The following ANO6 variants were observed in gnomAD, a reference collection of about 807,000 sequenced individuals.
ANO6 encodes anoctamin 6.
ANO6 carries 106 observed loss-of-function variants against 117.5 expected under a neutral mutation model. That is an observed-to-expected ratio of 0.90 (90% confidence interval 0.77 to 1.06). The LOEUF (loss-of-function observed/expected upper bound fraction) is 1.06. ANO6 is among the 50% of genes least tolerant of loss of function. ANO6 has a pLI of 0.00. For synonymous variants in ANO6, 367 were observed against 385.1 expected, an observed-to-expected ratio of 0.95 and a Z score of 0.55; for missense variants, 955 against 1,121.1, an observed-to-expected ratio of 0.85 and a Z score of 2.12.
chr12:45,241,910 A>G (rs1477114446), intron 1 of ANO6, among the ~76,000 whole-genome samples: 1 of 152,210 alleles, frequency 6.6e-6, no homozygotes, highest in Non-Finnish European at 1.5e-5. Context: ...GCAGAACAGC[A>G]AATGTTGCTG....
chr12:45,357,722 T>A (rs1348243014), intron 8 of ANO6, among the ~76,000 whole-genome samples: 1 of 152,214 alleles, frequency 6.6e-6, no homozygotes, highest in Admixed American at 6.5e-5. Flanking sequence ...GCCCTTGAAC[T>A]TTTGGCCCCT....
intron 12 of ANO6, among the ~76,000 whole-genome samples, chr12:45,393,080 A>G (rs1394493848): frequency 6.6e-6 from 1 of 152,230 alleles, no homozygotes; most frequent in Admixed American, 6.5e-5. Context: ...ACCCATCGCA[A>G]GGAAGCTAAA....
At chr12:45,276,499 A>T (rs757003340) in intron 1 of ANO6, among the ~76,000 whole-genome samples, 1 of 150,598 alleles carries the variant, frequency 6.6e-6, no homozygotes, top group Non-Finnish European at 1.5e-5. Context: ...TTTTCCTTGC[A>T]TGCTCTTTTT....
chr12:45,378,467 G>A (rs576258236), intron 10 of ANO6, among the ~76,000 whole-genome samples: 1 of 152,218 alleles, frequency 6.6e-6, no homozygotes, highest in Non-Finnish European at 1.5e-5. Context: ...GGTCTGTGGG[G>A]CTCGGCTGGG....
chr12:45,246,451 G>A (rs893883755), intron 1 of ANO6, among the ~76,000 whole-genome samples: 2 of 152,160 alleles, frequency 1.3e-5, no homozygotes, highest in Admixed American at 1.3e-4. Flanking sequence ...TGCTAACTGC[G>A]AGGAAAGAGC....
chr12:45,363,992 A>G (rs1263531955), intron 8 of ANO6, among the ~76,000 whole-genome samples: 3 of 152,232 alleles, frequency 2.0e-5, no homozygotes, highest in South Asian at 2.1e-4. Context: ...GGTCTCTGCC[A>G]ACAACAGATT....
chr12:45,246,656 G>A (rs1269909052), intron 1 of ANO6, among the ~76,000 whole-genome samples: 1 of 151,766 alleles, frequency 6.6e-6, no homozygotes, highest in Admixed American at 6.6e-5. Context: ...CCCTGAAAAT[G>A]TTTACAAGTA....
chr12:45,301,923 A>T, intron 1 of ANO6, 91 bp from the exon 2 acceptor site: 1 of 1,058,028 alleles, frequency 9.5e-7, no homozygotes, highest in Non-Finnish European at 1.5e-6. Flanking sequence ...TACCAATGTT[A>T]ATAACCCGGT....
chr12:45,316,028 C>T (rs1382571357), intron 2 of ANO6, among the ~76,000 whole-genome samples: 1 of 151,928 alleles, frequency 6.6e-6, no homozygotes, highest in African/African-American at 2.4e-5. Flanking sequence ...CTAAATAATT[C>T]CTTTAAAAAT....
intron 1 of ANO6, among the ~76,000 whole-genome samples, chr12:45,242,289 C>A (rs888373998): frequency 6.6e-6 from 1 of 152,238 alleles, no homozygotes; most frequent in African/African-American, 2.4e-5. Context: ...ATGGCAGACA[C>A]CCCTTCCCCT....
chr12:45,349,749 A>G (rs1941233621), intron 6 of ANO6, among the ~76,000 whole-genome samples: 1 of 152,212 alleles, frequency 6.6e-6, no homozygotes, highest in Non-Finnish European at 1.5e-5. Flanking sequence ...TACTGATCCT[A>G]AGAGACCCAA....
intron 9 of ANO6, among the ~76,000 whole-genome samples, chr12:45,372,946 T>G (rs1189832624): frequency 6.6e-6 from 1 of 152,158 alleles, no homozygotes; most frequent in Non-Finnish European, 1.5e-5. Flanking sequence ...GACCCATCAG[T>G]GTGCTGTATT....
chr12:45,256,278 TCAAACACTGCCACA>T (rs566571488), intron 1 of ANO6, among the ~76,000 whole-genome samples: 80 of 152,318 alleles, frequency 5.3e-4, no homozygotes, highest in African/African-American at 1.7e-3. Flanking sequence ...CCTGGCCTCA[TCAAACACTGCCACA>T]GTAATCATTT....
At chr12:45,317,286 A>G in intron 2 of ANO6, among the ~76,000 whole-genome samples, 2 of 43,604 alleles carry the variant, frequency 4.6e-5, no homozygotes, top group Non-Finnish European at 8.8e-5. Flanking sequence ...CCCACCCCAC[A>G]ACAGGCCCCC....
chr12:45,330,142 G>C (rs1220012896), intron 2 of ANO6, among the ~76,000 whole-genome samples: 1 of 152,078 alleles, frequency 6.6e-6, no homozygotes, highest in Non-Finnish European at 1.5e-5. Context: ...CATTCTGCTG[G>C]TGAAAAAACC....
intron 1 of ANO6, among the ~76,000 whole-genome samples, chr12:45,299,449 A>G (rs749675987): frequency 6.6e-6 from 1 of 152,228 alleles, no homozygotes; most frequent in Non-Finnish European, 1.5e-5. Context: ...TCAGTTTTTC[A>G]GAAGAGTTAG....
At chr12:45,338,900 A>G (rs1019980907) in intron 3 of ANO6, among the ~76,000 whole-genome samples, 4 of 152,104 alleles carry the variant, frequency 2.6e-5, no homozygotes, top group African/African-American at 9.7e-5. Flanking sequence ...GGAATTAACA[A>G]CGAGTTCACA....
intron 2 of ANO6, among the ~76,000 whole-genome samples, chr12:45,312,152 T>C (rs998044528): frequency 7.9e-5 from 12 of 151,926 alleles, no homozygotes. Flanking sequence ...AAAACATGGG[T>C]GAGGAAAGCA....
intron 2 of ANO6, among the ~76,000 whole-genome samples, chr12:45,309,660 A>AT (rs2137328073): frequency 6.8e-6 from 1 of 147,930 alleles, no homozygotes; most frequent in African/African-American, 2.5e-5. Context: ...ATTTTGGTCT[A>AT]TTTTATGGTC....
Sources: allele counts gnomAD v4.1 joint callset (sites outside exome capture counted in the v4.1 genomes callset), GRCh38; gene constraint gnomAD v4.1.1; transcripts MANE v1.5; gene names NCBI Gene and HGNC (gene_info 2026-07-23, HGNC 2026-07-21).